Variants in SEMA6A observed in about 807,000 individuals in gnomAD.
SEMA6A encodes the protein semaphorin-6A.
A neutral mutation model predicts 96.8 loss-of-function variants in SEMA6A; 25 were observed. The ratio of observed to expected loss-of-function variants is 0.26; its 90% confidence interval spans 0.19 to 0.36. The LOEUF is 0.36. Ranked by LOEUF, SEMA6A falls within the 10% of genes least tolerant of loss-of-function variation. SEMA6A has a pLI of 1.00. For missense variants in SEMA6A, 1,363 were observed against 1,323.1 expected, an observed-to-expected ratio of 1.03 and a Z score of -0.47; for synonymous variants, 612 against 518.0, an observed-to-expected ratio of 1.18 and a Z score of -2.46.
intron 3 of SEMA6A, among the ~76,000 whole-genome samples, chr5:116,501,297 A>C (rs764620122): frequency 6.6e-6 from 1 of 152,132 alleles, no homozygotes; most frequent in Non-Finnish European, 1.5e-5. Flanking sequence ...CAAAAGCCTA[A>C]ATTTATGTGA....
chr5:116,463,560 T>C (rs1423851539), intron 18 of SEMA6A, among the ~76,000 whole-genome samples: 1 of 152,234 alleles, frequency 6.6e-6, no homozygotes, highest in Admixed American at 6.5e-5. Context: ...ATATTCAACA[T>C]TTGCTATCCA....
Position 116,445,111 on chromosome 5 carries a change from C to G in SEMA6A, c.*1502G>C, listed in dbSNP as rs563130842. ...GTGTGAATTGGAGGGTGTGGTGCTG[C>G]CCAGCGTTCTCAGGCTGTCGCATGA... is the stretch of plus-strand genomic sequence containing the variant. On this transcript the variant is annotated 3_prime_UTR_variant, in exon 19 of 19. Transcript: ENST00000343348. 1 of 152,804 alleles carries G rather than the reference C, an allele frequency of 6.5e-6. No individual in the cohort carries two copies. The highest frequency in any genetic ancestry group is 2.4e-5 in the African/African-American group (1 of 41,580). 9.5% of individuals were successfully genotyped at this position (152,804 alleles called of 1,614,324 possible).
chr5:116,457,939 T>C (rs1278678072), intron 18 of SEMA6A, among the ~76,000 whole-genome samples: 1 of 152,184 alleles, frequency 6.6e-6, no homozygotes, highest in Non-Finnish European at 1.5e-5. Context: ...TGTAGTTAGT[T>C]TGAGCAAGCC....
chr5:116,453,757 A>G (rs1226261489), intron 18 of SEMA6A, among the ~76,000 whole-genome samples: 1 of 152,226 alleles, frequency 6.6e-6, no homozygotes, highest in East Asian at 1.9e-4. Context: ...TCAAAAGCAC[A>G]GCTAGTCTAC....
At chr5:116,502,032 G>T (rs1757906914) in intron 3 of SEMA6A, among the ~76,000 whole-genome samples, 178 bp downstream of exon 3, 1 of 152,174 alleles carries the variant, frequency 6.6e-6, no homozygotes, top group African/African-American at 2.4e-5. Flanking sequence ...TCCACATAGG[G>T]TTAAACAGAC....
intron 16 of SEMA6A, among the ~76,000 whole-genome samples, chr5:116,473,782 T>C (rs1249129733): frequency 6.6e-6 from 1 of 152,156 alleles, no homozygotes; most frequent in African/African-American, 2.4e-5. Context: ...GTCTGTCTAA[T>C]AGAGGTAGTT....
chr5:116,453,514 G>A (rs906276806), intron 18 of SEMA6A, among the ~76,000 whole-genome samples: 1 of 152,168 alleles, frequency 6.6e-6, no homozygotes, highest in Non-Finnish European at 1.5e-5. Flanking sequence ...ACATGAATGA[G>A]CACTTGTAGA....
intron 1 of SEMA6A, among the ~76,000 whole-genome samples, chr5:116,514,309 TTTAATAATAGCCTGGTGTGAGATGGTA>T (rs1758565525): frequency 6.6e-6 from 1 of 152,194 alleles, no homozygotes; most frequent in African/African-American, 2.4e-5. Context: ...TTTTTTACTT[TTTAATAATAGCCTGGTGTGAGATGGTA>T]TCTGATTGTG....
intron 1 of SEMA6A, among the ~76,000 whole-genome samples, chr5:116,526,901 T>G (rs563218666): frequency 3.3e-5 from 5 of 152,170 alleles, no homozygotes; most frequent in African/African-American, 4.8e-5. Context: ...TTCTATGAAA[T>G]CCCTGACCTA....
At chr5:116,481,023 C>G (rs1338136694) in intron 11 of SEMA6A, among the ~76,000 whole-genome samples, 1 of 152,086 alleles carries the variant, frequency 6.6e-6, no homozygotes, top group African/African-American at 2.4e-5. Context: ...CTGGGTGGTG[C>G]AGAAGAGGAG....
chr5:116,448,633 G>A (rs1754427983), intron 18 of SEMA6A, among the ~76,000 whole-genome samples: 1 of 151,964 alleles, frequency 6.6e-6, no homozygotes, highest in African/African-American at 2.4e-5. Flanking sequence ...TCCGTCTGGG[G>A]AAAAGTGTTT....
intron 15 of SEMA6A, among the ~76,000 whole-genome samples, chr5:116,477,327 G>T (rs749292121): frequency 6.6e-6 from 1 of 152,280 alleles, no homozygotes; most frequent in South Asian, 2.1e-4. Context: ...ATTGATTGAC[G>T]GCCTGATGAG....
At chr5:116,496,457 G>C in intron 4 of SEMA6A, 144 bp from the exon 5 acceptor site, 1 of 583,178 alleles carries the variant, frequency 1.7e-6, no homozygotes, top group Non-Finnish European at 2.9e-6. Context: ...TTAATTCACC[G>C]TAACAACAAA....
intron 1 of SEMA6A, among the ~76,000 whole-genome samples, chr5:116,523,416 C>CCTCAGCCTCCT (rs1759056753): frequency 1.3e-5 from 2 of 152,214 alleles, no homozygotes; most frequent in Admixed American, 1.3e-4. Context: ...CGGGTTCAAG[C>CCTCAGCCTCCT]GATTCTCCTG....
At chr5:116,468,071 A>G (rs1360854300) in intron 17 of SEMA6A, 2 of 294,040 alleles carry the variant, frequency 6.8e-6, no homozygotes, top group Non-Finnish European at 1.3e-5. Flanking sequence ...TTGGGAGGAT[A>G]GTGACATAAT....
rs78791241 is a variant in SEMA6A at position 116,447,624 on chromosome 5, C to T, written c.2082G>A (p.Ser694=). 448 of 1,613,990 alleles carry T rather than the reference C, an allele frequency of 2.8e-4. 2 individuals are homozygous for T. The East Asian group carries it at 7.6e-3, about 27-fold the overall frequency. The change falls in exon 19 of 19, where the codon TCG becomes TCA. Residue 694 remains serine (S), a synonymous_variant. Transcript: ENST00000343348. ...VQRKEKELTH[S]RRGSMSSVTK... is the part of the protein sequence containing the mutation. ...TGACGCTGCTCATGGAGCCCCGGCG[C>T]GAGTGGGTGAGCTCCTTCTCCTTGC...
chr5:116,524,189 G>A (rs1759098703), intron 1 of SEMA6A, among the ~76,000 whole-genome samples: 1 of 152,180 alleles, frequency 6.6e-6, no homozygotes, highest in South Asian at 2.1e-4. Flanking sequence ...CAGACCTAAT[G>A]ATCCCACCCA....
chr5:116,485,985 G>A (rs1757031880), intron 10 of SEMA6A, among the ~76,000 whole-genome samples: 1 of 152,160 alleles, frequency 6.6e-6, no homozygotes, highest in Non-Finnish European at 1.5e-5. Flanking sequence ...GCATCATTTA[G>A]TTGCTCAAAG....
intron 3 of SEMA6A, among the ~76,000 whole-genome samples, chr5:116,501,661 GT>G (rs1173554326): frequency 6.6e-6 from 1 of 152,178 alleles, no homozygotes; most frequent in Admixed American, 6.5e-5. Flanking sequence ...GCCGAGGTGG[GT>G]GAATCACCTG....
Sources: allele counts gnomAD v4.1 joint callset (sites outside exome capture counted in the v4.1 genomes callset), GRCh38; gene constraint gnomAD v4.1.1; transcripts MANE v1.5; gene names NCBI Gene and HGNC (gene_info 2026-07-23, HGNC 2026-07-21).